The following AUTS2 variants were observed in gnomAD, a reference collection of about 807,000 sequenced individuals.
AUTS2 encodes activator of transcription and developmental regulator AUTS2.
A neutral mutation model predicts 112.4 loss-of-function variants in AUTS2; 17 were observed. The observed-to-expected ratio is 0.15, with a 90% CI of 0.10 to 0.23. The LOEUF (loss-of-function observed/expected upper bound fraction) is 0.23. AUTS2 is among the 10% of genes least tolerant of loss of function. The pLI is 1.00. For missense variants in AUTS2, 1,510 were observed against 1,701.6 expected, an observed-to-expected ratio of 0.89 and a Z score of 1.98; for synonymous variants, 751 against 702.7, an observed-to-expected ratio of 1.07 and a Z score of -1.09.
At chr7:70,059,638 C>T (rs556104187) in intron 2 of AUTS2, among the ~76,000 whole-genome samples, 42 of 152,198 alleles carry the variant, frequency 2.8e-4, no homozygotes, top group African/African-American at 1.0e-3. Flanking sequence ...GATTTGGACA[C>T]ATAGATTGGA....
At chr7:70,221,780 G>A (rs1811501437) in intron 4 of AUTS2, among the ~76,000 whole-genome samples, 2 of 152,166 alleles carry the variant, frequency 1.3e-5, no homozygotes, top group East Asian at 1.9e-4. Flanking sequence ...CCAGCTACTC[G>A]GGAGGCTGAG....
intron 6 of AUTS2, among the ~76,000 whole-genome samples, chr7:70,724,606 C>G (rs781116950): frequency 2.6e-5 from 4 of 151,872 alleles, no homozygotes; most frequent in Admixed American, 1.3e-4. Context: ...CCACCACGCC[C>G]GGCTAATTTT....
In AUTS2 at chr7:70,415,765, C is replaced by T. The variant is rs182132524; in HGVS notation, c.661-19987C>T. Among the ~76,000 whole-genome samples, 20 of 152,244 alleles carry T rather than the reference C, an allele frequency of 1.3e-4. No homozygotes were observed. In the East Asian group the frequency reaches 1.9e-3, roughly 15 times the overall value. The stretch of plus-strand genomic sequence containing the variant: ...CAGAGTTACGGGGAGAGCAAGTCAA[C>T]GGTAACAGGGAAAAACAAGCCTTGT... On this transcript the variant is annotated intron_variant, in intron 4 of 18. Coordinates refer to ENST00000342771, the MANE Select transcript of AUTS2 (RefSeq NM_015570.4).
chr7:70,417,083 C>T (rs1795017939), intron 4 of AUTS2, among the ~76,000 whole-genome samples: 1 of 152,220 alleles, frequency 6.6e-6, no homozygotes, highest in African/African-American at 2.4e-5. Flanking sequence ...ATGCAGACAG[C>T]CCCTCCACTC....
chr7:69,715,711 C>T (rs955243564), intron 1 of AUTS2, among the ~76,000 whole-genome samples: 1 of 152,116 alleles, frequency 6.6e-6, no homozygotes, highest in African/African-American at 2.4e-5. Context: ...ATAATGTGAC[C>T]AACAGGATCA....
chr7:69,869,050 G>A (rs185688365), intron 1 of AUTS2, among the ~76,000 whole-genome samples: 1 of 152,304 alleles, frequency 6.6e-6, no homozygotes, highest in East Asian at 1.9e-4. Context: ...AAGGGGATCA[G>A]CCACCGTTGA....
intron 2 of AUTS2, among the ~76,000 whole-genome samples, chr7:70,053,021 A>G (rs1346204851): frequency 6.6e-6 from 1 of 152,258 alleles, no homozygotes; most frequent in African/African-American, 2.4e-5. Flanking sequence ...TTACTTGCTC[A>G]GCACTCAGGC....
intron 2 of AUTS2, among the ~76,000 whole-genome samples, chr7:69,960,683 T>C (rs1797394723): frequency 6.6e-6 from 1 of 152,182 alleles, no homozygotes. Context: ...CAGTGAAATA[T>C]ATATTGACAG....
intron 12 of AUTS2, among the ~76,000 whole-genome samples, chr7:70,774,538 T>C (rs1371859336): frequency 6.6e-6 from 1 of 152,046 alleles, no homozygotes; most frequent in East Asian, 1.9e-4. Flanking sequence ...GAAGTTATTG[T>C]ACTGCACGGC....
chr7:70,133,239 T>G (rs999830379), intron 3 of AUTS2, among the ~76,000 whole-genome samples: 16 of 152,186 alleles, frequency 1.1e-4, no homozygotes, highest in African/African-American at 3.6e-4. Context: ...GATGTAGATA[T>G]AGTTACAGTA....
chr7:70,181,686 A>G (rs1809312924), intron 4 of AUTS2, among the ~76,000 whole-genome samples: 3 of 150,920 alleles, frequency 2.0e-5, no homozygotes, highest in Non-Finnish European at 1.5e-5. Flanking sequence ...ACGGGGTTTC[A>G]CCATGTTGGC....
intron 10 of AUTS2, 54 bp from the exon 11 acceptor site, chr7:70,771,495 T>C: frequency 6.9e-7 from 1 of 1,458,090 alleles, no homozygotes; most frequent in Non-Finnish European, 9.5e-7. Flanking sequence ...AATTTGAATA[T>C]GTCACTTGCC....
chr7:69,715,257 A>G (rs1584120974), intron 1 of AUTS2, among the ~76,000 whole-genome samples: 1 of 149,542 alleles, frequency 6.7e-6, no homozygotes. Context: ...GGAAAAAGTG[A>G]TTTCAAACAT....
intron 2 of AUTS2, among the ~76,000 whole-genome samples, chr7:69,944,148 A>C (rs1461952358): frequency 6.6e-6 from 1 of 152,212 alleles, no homozygotes; most frequent in Non-Finnish European, 1.5e-5. Context: ...AGTGTCCTCC[A>C]TGACAGCTCT....
chr7:70,531,525 A>G (rs374682458), intron 5 of AUTS2, among the ~76,000 whole-genome samples: 4 of 152,284 alleles, frequency 2.6e-5, no homozygotes, highest in East Asian at 3.9e-4. Flanking sequence ...GCTTTTATTC[A>G]TGGCAGAAGG....
At chr7:70,117,905 T>C (rs745306645) in intron 2 of AUTS2, among the ~76,000 whole-genome samples, 4 of 151,998 alleles carry the variant, frequency 2.6e-5, no homozygotes, top group East Asian at 1.9e-4. Flanking sequence ...CATGCCACCA[T>C]GCCCAGCTAA....
intron 6 of AUTS2, among the ~76,000 whole-genome samples, chr7:70,750,413 C>T (rs1197366244): frequency 2.2e-5 from 3 of 138,732 alleles, no homozygotes; most frequent in African/African-American, 9.1e-5. Context: ...CAGCCTCTAC[C>T]TCCCAGGCTC....
intron 4 of AUTS2, among the ~76,000 whole-genome samples, chr7:70,371,969 C>T (rs1172749525): frequency 6.6e-6 from 1 of 152,054 alleles, no homozygotes; most frequent in Non-Finnish European, 1.5e-5. Flanking sequence ...GGATTGAGGG[C>T]CATTTTTGTC....
intron 2 of AUTS2, among the ~76,000 whole-genome samples, chr7:70,081,390 A>T (rs1483332585): frequency 1.4e-5 from 2 of 139,622 alleles, no homozygotes; most frequent in African/African-American, 5.9e-5. Context: ...GTCTCTATAA[A>T]AAAAAAAAAA....
Sources: allele counts gnomAD v4.1 joint callset (sites outside exome capture counted in the v4.1 genomes callset), GRCh38; gene constraint gnomAD v4.1.1; transcripts MANE v1.5; gene names NCBI Gene and HGNC (gene_info 2026-07-23, HGNC 2026-07-21).